Variants in ABCD2 observed in about 807,000 individuals in gnomAD.
ABCD2 encodes ATP-binding cassette sub-family D member 2.
In ABCD2, 36 loss-of-function variants were observed where a neutral mutation model predicts 70.9. The observed-to-expected ratio is 0.51, with a 90% CI of 0.39 to 0.67. The LOEUF is 0.67. ABCD2 is among the 30% of genes least tolerant of loss of function. The pLI is 0.00. For synonymous variants in ABCD2, 304 were observed against 306.9 expected, an observed-to-expected ratio of 0.99 and a Z score of 0.10; for missense variants, 729 against 890.2, an observed-to-expected ratio of 0.82 and a Z score of 2.30.
chr12:39,610,197 T>C (rs1245451605), intron 2 of ABCD2, among the ~76,000 whole-genome samples: 1 of 152,182 alleles, frequency 6.6e-6, no homozygotes, highest in Non-Finnish European at 1.5e-5. Flanking sequence ...ACAGTATGGG[T>C]TGACGTCAAG....
intron 9 of ABCD2, among the ~76,000 whole-genome samples, 169 bp from the exon 10 acceptor site, chr12:39,554,300 C>A (rs1171005979): frequency 6.6e-6 from 1 of 151,898 alleles, no homozygotes; most frequent in East Asian, 1.9e-4. Context: ...TTTTTTAAAA[C>A]CCAAAAGTCA....
At chr12:39,582,229 T>A (rs1440220668) in intron 7 of ABCD2, among the ~76,000 whole-genome samples, 1 of 152,156 alleles carries the variant, frequency 6.6e-6, no homozygotes, top group East Asian at 1.9e-4. Flanking sequence ...TACCATAGTA[T>A]AGTGGCATAC....
the ABCD2 span, among the ~76,000 whole-genome samples, chr12:39,541,209 C>T: frequency 6.6e-6 from 1 of 151,998 alleles, no homozygotes; most frequent in Non-Finnish European, 1.5e-5. Context: ...ACGTTTGCAC[C>T]AACCTAATAG....
chr12:39,616,463 A>T (rs1170958353), intron 2 of ABCD2, among the ~76,000 whole-genome samples: 1 of 152,118 alleles, frequency 6.6e-6, no homozygotes, highest in African/African-American at 2.4e-5. Flanking sequence ...TATTATTCAC[A>T]AGCAGAGGAG....
At chr12:39,588,199 C>T (rs1306572171) in intron 6 of ABCD2, among the ~76,000 whole-genome samples, 1 of 152,108 alleles carries the variant, frequency 6.6e-6, no homozygotes, top group African/African-American at 2.4e-5. Context: ...ACATCTGGAA[C>T]AGTCTAATAT....
At chr12:39,614,309 A>AT in intron 2 of ABCD2, among the ~76,000 whole-genome samples, 1 of 152,212 alleles carries the variant, frequency 6.6e-6, no homozygotes, top group Non-Finnish European at 1.5e-5. Context: ...TTCAAAACAC[A>AT]TTAAGTATGT....
intron 1 of ABCD2, among the ~76,000 whole-genome samples, chr12:39,617,472 G>T (rs1942132229): frequency 1.3e-5 from 2 of 152,060 alleles, no homozygotes; most frequent in South Asian, 2.1e-4. Context: ...TTAGAGCTTT[G>T]TCCTTGTTGA....
At chr12:39,578,970 A>G (rs1941558707) in intron 8 of ABCD2, among the ~76,000 whole-genome samples, 1 of 152,224 alleles carries the variant, frequency 6.6e-6, no homozygotes, top group African/African-American at 2.4e-5. Flanking sequence ...CTTAGGATAC[A>G]TAAAAATTTA....
At chr12:39,560,711 G>T (rs988786487) in intron 9 of ABCD2, among the ~76,000 whole-genome samples, 1 of 151,842 alleles carries the variant, frequency 6.6e-6, no homozygotes, top group Admixed American at 6.6e-5. Flanking sequence ...GGAGATAAAG[G>T]GTAAAGATTG....
At chr12:39,595,016 A>G (rs1207339867) in intron 6 of ABCD2, among the ~76,000 whole-genome samples, 1 of 152,106 alleles carries the variant, frequency 6.6e-6, no homozygotes, top group Admixed American at 6.5e-5. Flanking sequence ...CAGTGAGCCA[A>G]GATTGTGCCA....
At chr12:39,564,850 C>T (rs2120560533) in intron 9 of ABCD2, among the ~76,000 whole-genome samples, 1 of 152,312 alleles carries the variant, frequency 6.6e-6, no homozygotes, top group Admixed American at 6.5e-5. Flanking sequence ...CTACTTATGG[C>T]TAGCCAGTTT....
chr12:39,596,427 A>T (rs1474251300), intron 6 of ABCD2, among the ~76,000 whole-genome samples: 4 of 152,228 alleles, frequency 2.6e-5, no homozygotes, highest in Non-Finnish European at 5.9e-5. Flanking sequence ...ACTAAATGAA[A>T]AAAAAATTGT....
intron 9 of ABCD2, among the ~76,000 whole-genome samples, chr12:39,561,787 C>T (rs1033602692): frequency 1.3e-5 from 2 of 152,098 alleles, no homozygotes; most frequent in Non-Finnish European, 2.9e-5. Flanking sequence ...ATCATCCAGA[C>T]AGAAAATCAA....
At chr12:39,589,660 T>C (rs144280394) in intron 6 of ABCD2, among the ~76,000 whole-genome samples, 5,347 of 152,228 alleles carry the variant, frequency 0.035, 329 homozygotes, top group African/African-American at 0.12. Flanking sequence ...GTGCTGGGAT[T>C]ACAGGTGTGA....
intron 9 of ABCD2, among the ~76,000 whole-genome samples, chr12:39,565,864 T>TA (rs1184551238): frequency 3.3e-5 from 5 of 152,232 alleles, no homozygotes; most frequent in African/African-American, 1.2e-4. Context: ...GTTAGAGGCC[T>TA]TTTCTGCATC....
At chr12:39,604,065 G>T (rs12228617) in intron 4 of ABCD2, 59 bp from the exon 5 acceptor site, 216,139 of 1,201,426 alleles carry the variant, frequency 0.18, 24,542 homozygotes, top group African/African-American at 0.52. Context: ...ATTAAATAAC[G>T]TAAATTATTA....
chr12:39,555,360 T>C (rs1941148598), intron 9 of ABCD2, among the ~76,000 whole-genome samples: 1 of 152,168 alleles, frequency 6.6e-6, no homozygotes, highest in Non-Finnish European at 1.5e-5. Flanking sequence ...TGGAGGAAGA[T>C]GGTGGAATAG....
At chr12:39,558,919 G>GA (rs1160221201) in intron 9 of ABCD2, among the ~76,000 whole-genome samples, 12 of 151,672 alleles carry the variant, frequency 7.9e-5, no homozygotes, top group Admixed American at 1.3e-4. Flanking sequence ...AAAATACAAT[G>GA]AAAAAAATTA....
intron 9 of ABCD2, among the ~76,000 whole-genome samples, chr12:39,560,879 C>T (rs1438817086): frequency 1.3e-5 from 2 of 151,820 alleles, no homozygotes; most frequent in Non-Finnish European, 2.9e-5. Flanking sequence ...CTCATGGTAA[C>T]TACAGAGCAA....
Sources: gnomAD v4.1 joint callset for allele counts (sites outside exome capture counted in the v4.1 genomes callset) on GRCh38, gnomAD v4.1.1 for gene constraint, MANE v1.5 for transcripts, NCBI Gene and HGNC (gene_info 2026-07-23, HGNC 2026-07-21) for gene names.